Variants in LGI3 observed in about 807,000 individuals in gnomAD.
LGI3 encodes the protein leucine-rich repeat LGI family member 3.
A neutral mutation model predicts 55.4 loss-of-function variants in LGI3; 47 were observed. The ratio of observed to expected loss-of-function variants is 0.85; its 90% CI spans 0.67 to 1.08. LGI3 has a LOEUF of 1.08. Among genes scored for constraint, LGI3 ranks in the 50% least tolerant of loss-of-function variants. LGI3 has a pLI of 0.00. For missense variants in LGI3, 664 were observed against 726.3 expected (o/e 0.91, Z 0.99); for synonymous variants, 326 against 315.0 (o/e 1.04, Z -0.37).
chr8:22,154,059 G>T lies in LGI3; in HGVS notation c.423-20C>A. 1.2e-6 allele frequency: 2 copies of T among 1,613,964 alleles called. No homozygotes were observed. The highest frequency in any genetic ancestry group is 1.7e-6 in the Non-Finnish European group (2 of 1,179,804). ...AGCGAGCTGCAAAAGAGACCGCCAGGTCATCTGAAGATCATGAGCAAGGCC... is the reference window on the plus strand; with the variant it reads ...AGCGAGCTGCAAAAGAGACCGCCAGTTCATCTGAAGATCATGAGCAAGGCC... On this transcript the variant is annotated intron_variant, in intron 4 of 7. Coordinates refer to ENST00000306317, the MANE Select transcript of LGI3 (RefSeq NM_139278.4).
In LGI3 at chr8:22,147,695, GT is replaced by G; in HGVS notation, c.*464del. 1 of 167,712 alleles carries G rather than the reference GT, an allele frequency of 6.0e-6. No individual in the cohort carries two copies. The highest frequency in any genetic ancestry group is 1.3e-5 in the Non-Finnish European group (1 of 77,000). The allele number at this position is 167,712 out of a possible 1,614,324, so 10.4% of individuals were successfully genotyped here. A position where few individuals can be genotyped will look rare whatever the true frequency, so the allele number is the denominator to read the frequency against. Reference sequence around the variant, plus strand: ...TGCAGACGGGGTGGGGCAGGGGTGAGTGGCCCCGGGGAAGCATGACAGATAT... The same window carrying G: ...TGCAGACGGGGTGGGGCAGGGGTGAGGGCCCCGGGGAAGCATGACAGATAT... On this transcript the variant is annotated 3_prime_UTR_variant, in exon 8 of 8. Transcript: ENST00000306317.
intron 5 of LGI3, among the ~76,000 whole-genome samples, chr8:22,152,392 C>T (rs1019130740): frequency 2.0e-5 from 3 of 152,178 alleles, no homozygotes; most frequent in Non-Finnish European, 4.4e-5. Context: ...TTACTCGAAA[C>T]TTTCAAAATC....
intron 1 of LGI3, 194 bp from the exon 2 acceptor site, chr8:22,155,657 C>T (rs561908696): frequency 4.9e-6 from 3 of 606,966 alleles, no homozygotes; most frequent in South Asian, 3.8e-5. Context: ...GGGTCCTCCC[C>T]TATTGCCTCT....
rs774555085 is a variant in LGI3 at position 22,151,921 on chromosome 8, C to A, written c.574G>T (p.Val192Leu). 1 of 1,613,112 alleles carries A rather than the reference C, an allele frequency of 6.2e-7. No individual in the cohort carries two copies. The highest frequency in any genetic ancestry group is 1.1e-5 in the South Asian group (1 of 91,074). ...VEWLAHTNTT[V>L]APIYCASPPR... The stretch of plus-strand genomic sequence containing the variant: ...GGGCTGGCGCAGTAGATGGGTGCCA[C>A]CGTGGTGTTGGTGTGTGCCAGCCAC... The change falls in exon 6 of 8, where the codon GTG becomes TTG. Residue 192 changes from valine to leucine, a missense_variant. Val to Leu is a conservative substitution (Grantham distance 32, BLOSUM62 1). Coordinates refer to ENST00000306317, the MANE Select transcript of LGI3 (RefSeq NM_139278.4).
rs1423377599 is a variant in LGI3 at position 22,156,521 on chromosome 8, C to A, written c.22G>T (p.Gly8Trp). 4 of 1,360,052 alleles carry A rather than the reference C, an allele frequency of 2.9e-6. No individual in the cohort carries two copies. Among genetic ancestry groups the A allele is most frequent in the Non-Finnish European group, 3.8e-6 (4 of 1,054,838 alleles). 84.2% of individuals were successfully genotyped at this position (1,360,052 alleles called of 1,614,324 possible). ...GCCAGCAGCCCCGGCCCCGGGCCCC[C>A]CCTGGCCCGCAGCCCCGCCATGCTG... MAGLRAR[G>W]GPGPGLLALS... The change falls in exon 1 of 8, where the codon GGG (glycine) becomes TGG (tryptophan). Residue 8 changes from glycine to tryptophan, a missense_variant. Physicochemically the swap from Gly to Trp is radical, Grantham distance 184 (BLOSUM62 -2). Transcript: ENST00000306317.
At chr8:22,156,243 G>C in intron 1 of LGI3, 94 bp downstream of exon 1, 2 of 1,361,432 alleles carry the variant, frequency 1.5e-6, no homozygotes, top group Non-Finnish European at 2.0e-6. Context: ...CCCGCACTCT[G>C]AAGAGGGGGA....
chr8:22,154,520 T>A, intron 3 of LGI3, 40 bp downstream of exon 3: 2 of 1,581,428 alleles, frequency 1.3e-6, no homozygotes, highest in African/African-American at 1.3e-5. Flanking sequence ...GGGGTCCCCC[T>A]CCCTTCTGCT....
At chr8:22,153,330 C>A (rs995720399) in intron 5 of LGI3, among the ~76,000 whole-genome samples, 8 of 151,334 alleles carry the variant, frequency 5.3e-5, no homozygotes, top group Non-Finnish European at 1.0e-4. Flanking sequence ...GGTGATTCGC[C>A]CTCCTTGGCC....
At chr8:22,151,755 G>A (rs567261448) in intron 6 of LGI3, 76 bp downstream of exon 6, 19 of 1,566,200 alleles carry the variant, frequency 1.2e-5, no homozygotes, top group Non-Finnish European at 1.7e-5. Flanking sequence ...TTGTGGGGCA[G>A]GGTGGGGGGT....
Position 22,148,936 on chromosome 8 carries a change from G to C in LGI3, c.871C>G (p.Gln291Glu). ...AGCTGGGCCACGACCACGTACAGCTGGCTGTCCACCACCATCGGCTTGCAG... is the reference window on the plus strand; with the variant it reads ...AGCTGGGCCACGACCACGTACAGCTCGCTGTCCACCACCATCGGCTTGCAG... ...VHCKPMVVDSQLYVVVAQLFG... is the reference protein window; with the variant it reads ...VHCKPMVVDSELYVVVAQLFG... Residue 291 changes from glutamine (Q) to glutamate (E), a missense_variant, in exon 8 of 8, where the codon CAG (glutamine) becomes GAG (glutamate). Gln to Glu is a conservative substitution (Grantham distance 29). Coordinates refer to ENST00000306317, the MANE Select transcript of LGI3 (RefSeq NM_139278.4). The surrounding 1 kb of genome is among the most constrained non-coding windows in gnomAD (Gnocchi z 7.0). The C allele has an allele frequency of 6.2e-7, 1 of 1,613,900 alleles. No homozygotes were observed.
At position 22,156,598 on chromosome 8, in the gene LGI3, C is replaced by T. The variant is rs1827510531; in HGVS notation, c.-56G>A. The stretch of plus-strand genomic sequence containing the variant: ...GCCGCGGCCCCCGCCCCACCGCTCC[C>T]GCGGCTGGGCCACCCCGCGCGGGCT... On this transcript the variant is annotated 5_prime_UTR_variant, in exon 1 of 8. Transcript: ENST00000306317. 2 of 610,774 alleles carry T rather than the reference C, an allele frequency of 3.3e-6. No homozygotes were observed. The highest frequency in any genetic ancestry group is 4.5e-6 in the Non-Finnish European group (2 of 439,604). The allele number at this position is 610,774 out of a possible 1,614,324, so 37.8% of individuals were successfully genotyped here.
chr8:22,156,222 T>G (rs370427585), intron 1 of LGI3, 115 bp downstream of exon 1: 60 of 1,133,856 alleles, frequency 5.3e-5, no homozygotes, highest in African/African-American at 4.3e-4. Flanking sequence ...ACCCCTGCAG[T>G]CCCCCTGGTC....
rs1343278460 is a variant in LGI3 at position 22,156,514 on chromosome 8, G to A, written c.29C>T (p.Pro10Leu). 2 of 1,393,094 alleles carry A rather than the reference G, an allele frequency of 1.4e-6. No homozygotes were observed. The highest frequency in any genetic ancestry group is 1.9e-6 in the Non-Finnish European group (2 of 1,074,174). 86.3% of individuals were successfully genotyped at this position (1,393,094 alleles called of 1,614,324 possible). MAGLRARGG[P>L]GPGLLALSAL... is the part of the protein sequence containing the mutation. ...GGAGAGCGCCAGCAGCCCCGGCCCC[G>A]GGCCCCCCCTGGCCCGCAGCCCCGC... The change falls in exon 1 of 8, where the codon CCG (proline) becomes CTG (leucine). Residue 10 changes from proline to leucine, a missense_variant. Pro to Leu is a moderately conservative substitution (Grantham distance 98). Coordinates refer to ENST00000306317, the MANE Select transcript of LGI3 (RefSeq NM_139278.4).
intron 7 of LGI3, 73 bp from the exon 8 acceptor site, chr8:22,149,050 G>C: frequency 1.8e-6 from 2 of 1,108,802 alleles, no homozygotes; most frequent in Non-Finnish European, 2.5e-6. Flanking sequence ...CTTGGAGAAG[G>C]CCAGTCCCTT....
rs748876579 is a variant in LGI3 at position 22,149,029 on chromosome 8, C to T, written c.830-52G>A. The T allele has an allele frequency of 1.0e-5, 14 of 1,361,612 alleles. No individual in the cohort carries two copies. The East Asian group carries it at 2.7e-4, about 26-fold the overall frequency. The allele number at this position is 1,361,612 out of a possible 1,614,324, so 84.3% of individuals were successfully genotyped here. On this transcript the variant is annotated intron_variant, in intron 7 of 7. Transcript: ENST00000306317. ...TCAGGCAGGCCGGCGGCTCCCACTC[C>T]ATCCAACCCCCTTGGAGAAGGCCAG...
Position 22,148,219 on chromosome 8 carries a change from G to C in LGI3, c.1588C>G (p.Pro530Ala). 6.2e-7 allele frequency: 1 copy of C among 1,613,860 alleles called. No individual in the cohort carries two copies. Among genetic ancestry groups the C allele is most frequent in the South Asian group, 1.1e-5 (1 of 91,074 alleles). ...ACCAGCGTCTGTCCCTTGAAGCTGG[G>C]GGCCAGGAGTAGCTGGGCGTCCCCA... ...PAGDAQLLLA[P>A]SFKGQTLVYR... The change falls in exon 8 of 8, where the codon CCC (proline) becomes GCC (alanine). Residue 530 changes from proline to alanine, a missense_variant. Pro to Ala is a conservative substitution (Grantham distance 27, BLOSUM62 -1). Coordinates refer to ENST00000306317, the MANE Select transcript of LGI3 (RefSeq NM_139278.4). The surrounding 1 kb of genome is among the most constrained non-coding windows in gnomAD (Gnocchi z 7.0).
chr8:22,150,417 G>T (rs1827362950), intron 7 of LGI3, among the ~76,000 whole-genome samples: 1 of 139,930 alleles, frequency 7.1e-6, no homozygotes, highest in Non-Finnish European at 1.5e-5. Flanking sequence ...GGACCGCAGT[G>T]GTGTGATCTT....
chr8:22,149,688 G>A (rs1827353355), intron 7 of LGI3, among the ~76,000 whole-genome samples: 1 of 152,100 alleles, frequency 6.6e-6, no homozygotes, highest in Non-Finnish European at 1.5e-5. Flanking sequence ...CTGCTCACCT[G>A]TCCCAGGGTC....
At position 22,155,552 on chromosome 8, in the gene LGI3, A is replaced by G. The variant is rs781436683; in HGVS notation, c.207-89T>C. On this transcript the variant is annotated intron_variant, in intron 1 of 7. Transcript: ENST00000306317. ...GAACACGGAGGGCAGTAGCTTTTGT[A>G]CTCACTTGCCCTGGAAATGCCCCAT... The G allele has an allele frequency of 9.3e-6, 10 of 1,070,054 alleles. No individual in the cohort carries two copies. In the South Asian group the frequency reaches 1.3e-4, roughly 14 times the overall value. 66.3% of individuals were successfully genotyped at this position (1,070,054 alleles called of 1,614,324 possible). A position where few individuals can be genotyped will look rare whatever the true frequency, so the allele number is the denominator to read the frequency against.
Sources: gnomAD v4.1 joint callset for allele counts (sites outside exome capture counted in the v4.1 genomes callset) on GRCh38, gnomAD v4.1.1 for gene constraint, Gnocchi (gnomAD v3.1) non-coding constraint, MANE v1.5 for transcripts, NCBI Gene and HGNC (gene_info 2026-07-23, HGNC 2026-07-21) for gene names.